ASPA: variants seen among roughly 807,000 people sequenced by gnomAD.
ASPA encodes the protein aspartoacylase.
ASPA carries 25 observed loss-of-function variants against 29.6 expected under a neutral mutation model. That is an observed-to-expected ratio of 0.85 (90% confidence interval 0.62 to 1.18). The LOEUF is 1.18. Among genes scored for constraint, ASPA ranks in the 50% most tolerant of loss-of-function variants. The probability of loss-of-function intolerance (pLI) is 0.00; values close to 1 mark genes in which losing one functional copy is unlikely to be tolerated. For missense variants in ASPA, 333 were observed against 385.7 expected (o/e 0.86, Z 1.14); for synonymous variants, 131 against 130.3 (o/e 1.01, Z -0.04).
At chr17:3,478,618 C>G (rs952990243) in intron 1 of ASPA, among the ~76,000 whole-genome samples, 1 of 152,084 alleles carries the variant, frequency 6.6e-6, no homozygotes, top group Non-Finnish European at 1.5e-5. Context: ...TTATGAGCAC[C>G]CAGTAGTATG....
At position 3,488,284 on chromosome 17, in the gene ASPA, GCCACA is replaced by G. The variant is rs1198197857; in HGVS notation, c.527-949_527-945del. ...TAGATGTAAGGATGGATGCTTAACA[GCCACA>G]CAAAGTAGACCTAATAGTACAGGCA... On this transcript the variant is annotated intron_variant, in intron 3 of 5. Coordinates refer to ENST00000263080, the MANE Select transcript of ASPA (RefSeq NM_000049.4). This position sits in a 1 kb window ranked among gnomAD's most constrained non-coding sequence, Gnocchi z 6.1. Among the ~76,000 whole-genome samples the G allele has an allele frequency of 6.6e-6, 1 of 152,196 alleles. No homozygotes were observed. Among genetic ancestry groups the G allele is most frequent in the Non-Finnish European group, 1.5e-5 (1 of 68,030 alleles).
intron 1 of ASPA, among the ~76,000 whole-genome samples, chr17:3,479,460 A>C: frequency 6.6e-6 from 1 of 152,214 alleles, no homozygotes; most frequent in East Asian, 1.9e-4. Flanking sequence ...TTAAACAAAT[A>C]AGGGTTTCTT....
intron 1 of ASPA, 66 bp downstream of exon 1, chr17:3,476,461 G>C: frequency 7.1e-7 from 1 of 1,410,050 alleles, no homozygotes; most frequent in South Asian, 1.2e-5. Flanking sequence ...GTGTGAAAGA[G>C]AACACATATA....
chr17:3,486,963 C>T (rs2073733682), intron 3 of ASPA, among the ~76,000 whole-genome samples: 1 of 152,112 alleles, frequency 6.6e-6, no homozygotes, highest in Admixed American at 6.5e-5. Flanking sequence ...ACACAAATAA[C>T]TTTCCTAAGT....
chr17:3,497,758 G>A (rs1218499415), intron 5 of ASPA, among the ~76,000 whole-genome samples: 2 of 152,192 alleles, frequency 1.3e-5, no homozygotes, highest in East Asian at 3.8e-4. Flanking sequence ...TAGGTCTGCT[G>A]CGCATAATGA....
intron 1 of ASPA, among the ~76,000 whole-genome samples, chr17:3,481,087 C>T (rs1182784236): frequency 6.6e-6 from 1 of 151,702 alleles, no homozygotes; most frequent in African/African-American, 2.4e-5. Flanking sequence ...TGGGCCACTG[C>T]ACTCCAGCCT....
At chr17:3,496,791 G>A (rs546440363) in intron 5 of ASPA, among the ~76,000 whole-genome samples, 3 of 152,344 alleles carry the variant, frequency 2.0e-5, no homozygotes, top group East Asian at 3.9e-4. Context: ...TCCTGGCCAG[G>A]AGCGGTGGCT....
rs770668634 is a variant in ASPA, at chr17:3,490,827, C to T, written c.634+1485C>T. Among the ~76,000 whole-genome samples the T allele has an allele frequency of 9.9e-5, 15 of 152,152 alleles. No homozygotes were observed. Among genetic ancestry groups the T allele is most frequent in the East Asian group, 1.9e-4 (1 of 5,198 alleles). ...CATAGTCCATAGAATCCTATCACAA[C>T]GGTGGAGAAAAGCAGTTCCTGGAAC... On this transcript the variant is annotated intron_variant, in intron 4 of 5. Coordinates refer to ENST00000263080, the MANE Select transcript of ASPA (RefSeq NM_000049.4). This position sits in a 1 kb window ranked among gnomAD's most constrained non-coding sequence, Gnocchi z 4.6.
At chr17:3,492,656 A>G (rs1437229339) in intron 4 of ASPA, among the ~76,000 whole-genome samples, 1 of 152,180 alleles carries the variant, frequency 6.6e-6, no homozygotes, top group Non-Finnish European at 1.5e-5. Flanking sequence ...CTGTACGTGT[A>G]CCATTATGTA....
chr17:3,475,537 C>G (rs1290894872), upstream of ASPA: 1 of 152,778 alleles, frequency 6.5e-6, no homozygotes, highest in African/African-American at 2.4e-5. Context: ...TTGATTTGGC[C>G]CTTCTGTTTC....
In ASPA at chr17:3,495,272, C is replaced by A. The variant is rs184096815; in HGVS notation, c.744+813C>A. Among the ~76,000 whole-genome samples, 397 of 152,298 alleles carry A rather than the reference C, an allele frequency of 2.6e-3. 1 individual carries two copies. The highest frequency in any genetic ancestry group is 9.1e-3 in the African/African-American group (379 of 41,550). ...GGATTATCTAGTCCAGGGCTTTCAA[C>A]CCCGACTAACCTTTACCTAGAGAGC... On this transcript the variant is annotated intron_variant, in intron 5 of 5. Coordinates refer to ENST00000263080, the MANE Select transcript of ASPA (RefSeq NM_000049.4).
rs2073707436 is a variant in ASPA, at chr17:3,485,767, G to A, written c.526+2175G>A. On this transcript the variant is annotated intron_variant, in intron 3 of 5. Coordinates refer to ENST00000263080, the MANE Select transcript of ASPA (RefSeq NM_000049.4). The surrounding 1 kb of genome is among the most constrained non-coding windows in gnomAD (Gnocchi z 4.4). ...TAGCACCTCTGAGTGGATGCCAGTA[G>A]AAGACACAAGACTCCTAAAACAGAG... Among the ~76,000 whole-genome samples, 1 of 152,158 alleles carries A rather than the reference G, an allele frequency of 6.6e-6. No individual in the cohort carries two copies. The highest frequency in any genetic ancestry group is 6.6e-5 in the Admixed American group (1 of 15,264).
chr17:3,485,934 C>CTTTTT lies in ASPA; in HGVS notation c.526+2353_526+2357dup, dbSNP rs145731380. Among the ~76,000 whole-genome samples, 2 of 142,390 alleles carry CTTTTT rather than the reference C, an allele frequency of 1.4e-5. No individual in the cohort carries two copies. The highest frequency in any genetic ancestry group is 2.6e-5 in the African/African-American group (1 of 38,342). The allele number at this position is 142,390 out of a possible 152,430, so 93.4% of individuals were successfully genotyped here. A position where few individuals can be genotyped will look rare whatever the true frequency, so the allele number is the denominator to read the frequency against. ...CAGTGGTTGCATTCTAGGAGGGAAC[C>CTTTTT]TTTTTTTTTTTTTTTGAGACGGAGT... is the stretch of plus-strand genomic sequence containing the variant. On this transcript the variant is annotated intron_variant, in intron 3 of 5. Transcript: ENST00000263080. This position sits in a 1 kb window ranked among gnomAD's most constrained non-coding sequence, Gnocchi z 4.4.
chr17:3,498,221 A>G (rs910589971), intron 5 of ASPA, among the ~76,000 whole-genome samples: 1 of 152,248 alleles, frequency 6.6e-6, no homozygotes, highest in Non-Finnish European at 1.5e-5. Context: ...ATTTTGCTGA[A>G]CAGAATTTAA....
Position 3,496,938 on chromosome 17 carries a change from C to T in ASPA, c.745-1953C>T, listed in dbSNP as rs569143655. On this transcript the variant is annotated intron_variant, in intron 5 of 5. Coordinates refer to ENST00000263080, the MANE Select transcript of ASPA (RefSeq NM_000049.4). ...AAAATTAGCCGGGCATGGTGGCAGG[C>T]GCCTGTAATCCCAGCTACTCGGGAG... Among the ~76,000 whole-genome samples the T allele has an allele frequency of 1.4e-4, 22 of 152,180 alleles. No homozygotes were observed. The South Asian group carries it at 2.1e-3, about 14-fold the overall frequency.
At chr17:3,497,517 T>TA (rs1241486954) in intron 5 of ASPA, among the ~76,000 whole-genome samples, 6 of 152,102 alleles carry the variant, frequency 3.9e-5, no homozygotes, top group African/African-American at 7.2e-5. Flanking sequence ...TCACTGTAGG[T>TA]AAATTTAAAA....
chr17:3,494,443 T>G lies in ASPA; in HGVS notation c.728T>G (p.Ile243Ser), dbSNP rs1227234842. The change falls in exon 5 of 6, where the codon ATC (isoleucine) becomes AGC (serine). Residue 243 changes from isoleucine to serine, a missense_variant. By Grantham distance (142) the Ile-to-Ser change is moderately radical (BLOSUM62 -2). Coordinates refer to ENST00000263080, the MANE Select transcript of ASPA (RefSeq NM_000049.4). ...GAAAATGGAGAAATTGCTGCTATCA[T>G]CCATCCTAATCTGCAGGTAACATTT... is the stretch of plus-strand genomic sequence containing the variant. ...RDENGEIAAI[I>S]HPNLQDQDWK... The G allele has an allele frequency of 6.2e-7, 1 of 1,604,356 alleles. No individual in the cohort carries two copies. The highest frequency in any genetic ancestry group is 1.1e-5 in the South Asian group (1 of 90,910).
At chr17:3,475,601 T>G (rs944378194), upstream of ASPA, 1 of 155,222 alleles carries the variant, frequency 6.4e-6, no homozygotes, top group Non-Finnish European at 1.4e-5. Context: ...AGGAGGTCTC[T>G]GAGGGTCAGC....
intron 1 of ASPA, 77 bp downstream of exon 1, chr17:3,476,472 T>G (rs1222632813): frequency 7.7e-7 from 1 of 1,303,124 alleles, no homozygotes; most frequent in African/African-American, 1.5e-5. Context: ...AACACATATA[T>G]GTATATGCAG....
Sources: gnomAD v4.1 joint callset for allele counts (sites outside exome capture counted in the v4.1 genomes callset) on GRCh38, gnomAD v4.1.1 for gene constraint, Gnocchi (gnomAD v3.1) non-coding constraint, MANE v1.5 for transcripts, NCBI Gene and HGNC (gene_info 2026-07-23, HGNC 2026-07-21) for gene names.